The following PAG1 variants were observed in gnomAD, a reference collection of about 807,000 sequenced individuals.
PAG1 encodes phosphoprotein membrane anchor with glycosphingolipid microdomains 1, also known as phosphoprotein associated with glycosphingolipid-enriched microdomains 1.
Under a neutral mutation model 31.7 loss-of-function variants are expected in PAG1, and 23 were observed. The observed-to-expected ratio is 0.73, with a 90% CI of 0.52 to 1.03. PAG1 has a LOEUF of 1.03. PAG1 is among the 50% of genes least tolerant of loss of function. The pLI is 0.00. For missense variants in PAG1, 473 were observed against 540.7 expected, an observed-to-expected ratio of 0.87 and a Z score of 1.24; for synonymous variants, 214 against 210.3, an observed-to-expected ratio of 1.02 and a Z score of -0.15.
intron 1 of PAG1, among the ~76,000 whole-genome samples, chr8:81,101,187 C>T (rs372109921): frequency 6.6e-6 from 1 of 152,170 alleles, no homozygotes; most frequent in African/African-American, 2.4e-5. Context: ...AATATCTCAG[C>T]CCCAAGACTA....
intron 2 of PAG1, among the ~76,000 whole-genome samples, chr8:81,056,759 A>T (rs1241388924): frequency 1.6e-4 from 25 of 152,228 alleles, no homozygotes; most frequent in Non-Finnish European, 7.3e-5. Context: ...AGAGCAAAAG[A>T]AACTACCATC....
intron 3 of PAG1, among the ~76,000 whole-genome samples, chr8:81,015,123 G>A (rs1212016626): frequency 1.3e-5 from 2 of 152,170 alleles, no homozygotes; most frequent in Non-Finnish European, 2.9e-5. Context: ...TCACTGATTA[G>A]AGGTATTTTA....
chr8:81,007,990 AG>A (rs1175854716), intron 3 of PAG1, among the ~76,000 whole-genome samples: 1 of 152,216 alleles, frequency 6.6e-6, no homozygotes. Context: ...TAGGACAAAA[AG>A]AAAACTCATC....
Position 80,985,077 on chromosome 8 carries a change from G to A in PAG1, c.575C>T (p.Ala192Val). 1.2e-6 allele frequency: 2 copies of A among 1,614,138 alleles called. No homozygotes were observed. The highest frequency in any genetic ancestry group is 1.7e-6 in the Non-Finnish European group (2 of 1,180,008). ...GTGGCCTTTCTCCAGGTGTGCAGCT[G>A]CAGCCACCTCCTTGATCTCTTTCAC... ...ETVKEIKEVA[A>V]AAHLEKGHSG... The change falls in exon 7 of 9, where the codon GCA becomes GTA. Residue 192 changes from alanine (A) to valine (V), a missense_variant. Transcript: ENST00000220597.
intron 2 of PAG1, among the ~76,000 whole-genome samples, chr8:81,054,612 C>A (rs1808784112): frequency 6.6e-6 from 1 of 151,942 alleles, no homozygotes; most frequent in African/African-American, 2.4e-5. Context: ...GGAGATGGAG[C>A]TTGCAGTGAG....
rs575845118 is a variant in PAG1, at chr8:81,094,244, C to T, written c.-234+17347G>A. On this transcript the variant is annotated intron_variant, in intron 1 of 8. Coordinates refer to ENST00000220597, the MANE Select transcript of PAG1 (RefSeq NM_018440.4). ...ATTAAGTCTTTCAGATAAATATGTTCAATACCCTATCCACATGAGCAAATT... is the reference window on the plus strand; with the variant it reads ...ATTAAGTCTTTCAGATAAATATGTTTAATACCCTATCCACATGAGCAAATT... Among the ~76,000 whole-genome samples, 21 of 152,278 alleles carry T rather than the reference C, an allele frequency of 1.4e-4. 1 individual carries two copies. Among genetic ancestry groups the T allele is most frequent in the African/African-American group, 4.8e-4 (20 of 41,554 alleles).
At chr8:81,076,867 G>A (rs1385897867) in intron 1 of PAG1, among the ~76,000 whole-genome samples, 1 of 152,148 alleles carries the variant, frequency 6.6e-6, no homozygotes, top group Non-Finnish European at 1.5e-5. Flanking sequence ...AGTCTGATAA[G>A]GCAAAGACCA....
chr8:81,026,970 A>C (rs1055104947), intron 3 of PAG1, among the ~76,000 whole-genome samples: 3 of 152,180 alleles, frequency 2.0e-5, no homozygotes, highest in Non-Finnish European at 4.4e-5. Flanking sequence ...TTTTCTTGCT[A>C]TCTTTGTGAT....
chr8:80,996,807 G>A (rs1017025748), intron 3 of PAG1, among the ~76,000 whole-genome samples: 2 of 152,218 alleles, frequency 1.3e-5, no homozygotes, highest in African/African-American at 2.4e-5. Context: ...TGAGGGGAAG[G>A]TGGAGGGAAA....
At position 80,976,667 on chromosome 8, in the gene PAG1, A is replaced by G. The variant is rs758198320; in HGVS notation, c.1176T>C (p.Thr392=). ...TGGCCTTTTCTTCCTCTCTGTTGAG[A>G]GTCTGTATCGCTTCATAATCAGGCT... The part of the protein sequence containing the change: ...EPEPDYEAIQ[T]LNREEEKATL... Residue 392 remains threonine, a synonymous_variant, in exon 9 of 9, where the codon ACT becomes ACC. Transcript: ENST00000220597. 1 of 1,614,000 alleles carries G rather than the reference A, an allele frequency of 6.2e-7. No individual in the cohort carries two copies. The highest frequency in any genetic ancestry group is 8.5e-7 in the Non-Finnish European group (1 of 1,179,990).
chr8:81,068,768 G>A (rs1809048773), intron 2 of PAG1, among the ~76,000 whole-genome samples: 1 of 152,180 alleles, frequency 6.6e-6, no homozygotes, highest in South Asian at 2.1e-4. Flanking sequence ...AACTCAAGAA[G>A]TCAGCCATGT....
At chr8:81,014,942 G>A (rs1423454194) in intron 3 of PAG1, among the ~76,000 whole-genome samples, 1 of 152,112 alleles carries the variant, frequency 6.6e-6, no homozygotes, top group East Asian at 1.9e-4. Context: ...GAGGCAGAGC[G>A]CAAGAACCAT....
At chr8:81,079,921 C>A (rs1166864216) in intron 1 of PAG1, among the ~76,000 whole-genome samples, 1 of 151,866 alleles carries the variant, frequency 6.6e-6, no homozygotes, top group Non-Finnish European at 1.5e-5. Context: ...GGCACATACC[C>A]CCATGCCCGG....
chr8:81,040,135 C>T (rs1261212996), intron 2 of PAG1, among the ~76,000 whole-genome samples: 6 of 152,062 alleles, frequency 3.9e-5, no homozygotes, highest in African/African-American at 1.5e-4. Flanking sequence ...TATGAGTCCA[C>T]CCTGTTTCTC....
chr8:81,086,491 ATGTG>A (rs933183369), intron 1 of PAG1, among the ~76,000 whole-genome samples: 1 of 151,826 alleles, frequency 6.6e-6, no homozygotes, highest in Non-Finnish European at 1.5e-5. Flanking sequence ...AAGGCAAGAA[ATGTG>A]TGTGTGTGTG....
At position 81,111,794 on chromosome 8, in the gene PAG1, G is replaced by A. The variant is rs1390276498; in HGVS notation, c.-437C>T. On this transcript the variant is annotated 5_prime_UTR_variant, in exon 1 of 9. Coordinates refer to ENST00000220597, the MANE Select transcript of PAG1 (RefSeq NM_018440.4). Reference sequence around the variant, plus strand: ...CCAGGGCACACGACTCAGCGAGGCGGCGGCTGGGACTGAGGCTACTGCACC... The same window carrying A: ...CCAGGGCACACGACTCAGCGAGGCGACGGCTGGGACTGAGGCTACTGCACC... 1.3e-5 allele frequency: 2 copies of A among 152,320 alleles called. No homozygotes were observed. Among genetic ancestry groups the A allele is most frequent in the African/African-American group, 4.8e-5 (2 of 41,454 alleles). 9.4% of individuals were successfully genotyped at this position (152,320 alleles called of 1,614,324 possible).
chr8:80,970,702 AC>A lies in PAG1; in HGVS notation c.*5841del, dbSNP rs1183844913. ...TGGCCCCTTAGTGTCAACCATTCTT[AC>A]GAAAGATGTGAGCAACAGTGTACAT... On this transcript the variant is annotated 3_prime_UTR_variant, in exon 9 of 9. Coordinates refer to ENST00000220597, the MANE Select transcript of PAG1 (RefSeq NM_018440.4). The A allele has an allele frequency of 1.3e-5, 2 of 152,952 alleles. No individual in the cohort carries two copies. The highest frequency in any genetic ancestry group is 4.8e-5 in the African/African-American group (2 of 41,418). 9.5% of individuals were successfully genotyped at this position (152,952 alleles called of 1,614,324 possible).
At chr8:81,110,529 C>CTA (rs1374893128) in intron 1 of PAG1, among the ~76,000 whole-genome samples, 25 of 152,178 alleles carry the variant, frequency 1.6e-4, no homozygotes, top group Admixed American at 1.6e-3. Flanking sequence ...CTGCAGCTAC[C>CTA]TATAAATCAT....
At chr8:80,986,662 T>C (rs1034596520) in intron 6 of PAG1, among the ~76,000 whole-genome samples, 1 of 152,100 alleles carries the variant, frequency 6.6e-6, no homozygotes, top group Non-Finnish European at 1.5e-5. Context: ...AACTTGTGAA[T>C]GTGTAATGTT....
Sources: gnomAD v4.1 joint callset for allele counts (sites outside exome capture counted in the v4.1 genomes callset) on GRCh38, gnomAD v4.1.1 for gene constraint, MANE v1.5 for transcripts, NCBI Gene and HGNC (gene_info 2026-07-23, HGNC 2026-07-21) for gene names.